CLDN14: variants seen among roughly 807,000 people sequenced by gnomAD.
CLDN14 encodes the protein claudin-14.
CLDN14 carries 2 observed loss-of-function variants against 2.1 expected under a neutral mutation model. The ratio of observed to expected loss-of-function variants is 0.96; its 90% CI spans 0.39 to 3.01. CLDN14 has a LOEUF of 3.01. Among genes scored for constraint, CLDN14 ranks in the 30% most tolerant of loss-of-function variants. The pLI, the probability that CLDN14 is intolerant of heterozygous loss-of-function variation, is 0.09. For synonymous variants in CLDN14, 136 were observed against 154.4 expected, an observed-to-expected ratio of 0.88 and a Z score of 0.88; for missense variants, 298 against 328.0, an observed-to-expected ratio of 0.91 and a Z score of 0.71.
At chr21:36,486,972 G>C (rs1417127531) in intron 2 of CLDN14, 3 of 417,392 alleles carry the variant, frequency 7.2e-6, no homozygotes, top group Non-Finnish European at 1.4e-5. Context: ...CAGGGTTGCT[G>C]TGGATTTTGT....
At chr21:36,472,675 C>T (rs748170078) in intron 1 of CLDN14, among the ~76,000 whole-genome samples, 1 of 152,182 alleles carries the variant, frequency 6.6e-6, no homozygotes, top group Non-Finnish European at 1.5e-5. Flanking sequence ...GATTAAGCCA[C>T]AGAAATTAAT....
rs117779995 is a variant in CLDN14, at chr21:36,511,271, G to A, written c.-219-771C>T. 1.8e-4 allele frequency among the ~76,000 whole-genome samples: 28 copies of A among 152,268 alleles called. No homozygotes were observed. In the East Asian group the frequency reaches 3.9e-3, roughly 21 times the overall value. ...GTTAAGCACACCCTTTTCACGGTGC[G>A]TTGAAGCAGATTTCCAGCCCTGTTT... On this transcript the variant is annotated intron_variant, in intron 1 of 2. Transcript: ENST00000342108.
Position 36,498,117 on chromosome 21 carries a change from C to T in CLDN14, c.-82+12246G>A, listed in dbSNP as rs1195869982. Among the ~76,000 whole-genome samples, 2 of 151,972 alleles carry T rather than the reference C, an allele frequency of 1.3e-5. No individual in the cohort carries two copies. Among genetic ancestry groups the T allele is most frequent in the Admixed American group, 1.3e-4 (2 of 15,256 alleles). ...CGGGGTTCAAGCGATTCTCCTGTCT[C>T]AGCCTCATGAGTAGCTGGGATTACA... On this transcript the variant is annotated intron_variant, in intron 2 of 2. Transcript: ENST00000342108. This position sits in a 1 kb window ranked among gnomAD's most constrained non-coding sequence, Gnocchi z 4.9.
intron 1 of CLDN14, among the ~76,000 whole-genome samples, chr21:36,571,535 T>C (rs987394814): frequency 6.6e-6 from 1 of 152,220 alleles, no homozygotes; most frequent in Admixed American, 6.5e-5. Flanking sequence ...AGAAACACTC[T>C]TACCTTCACA....
At chr21:36,558,274 T>G (rs1356233977) in intron 1 of CLDN14, among the ~76,000 whole-genome samples, 1 of 152,236 alleles carries the variant, frequency 6.6e-6, no homozygotes, top group Non-Finnish European at 1.5e-5. Context: ...TGGGGTCCTT[T>G]CTGGTTTCAT....
At chr21:36,462,763 C>G (rs946907993) in intron 1 of CLDN14, among the ~76,000 whole-genome samples, 4 of 151,906 alleles carry the variant, frequency 2.6e-5, no homozygotes, top group African/African-American at 4.8e-5. Flanking sequence ...AACCCCGTCT[C>G]TACTAAAATA....
chr21:36,488,098 C>T (rs555905695), intron 2 of CLDN14, among the ~76,000 whole-genome samples: 5 of 152,332 alleles, frequency 3.3e-5, no homozygotes, highest in African/African-American at 9.6e-5. Flanking sequence ...TATGCTGTAA[C>T]CACACAATGC....
intron 1 of CLDN14, among the ~76,000 whole-genome samples, chr21:36,559,424 T>C (rs1276808776): frequency 1.3e-5 from 2 of 152,204 alleles, no homozygotes; most frequent in Admixed American, 6.5e-5. Flanking sequence ...CTTGAACTCC[T>C]GACCTCAGGT....
chr21:36,481,859 T>C (rs893553150), upstream of CLDN14, among the ~76,000 whole-genome samples: 3 of 152,244 alleles, frequency 2.0e-5, no homozygotes, highest in African/African-American at 7.2e-5. Context: ...CAAATAGTTA[T>C]TGGACTCCAG....
chr21:36,546,431 G>T (rs780803808), intron 1 of CLDN14, among the ~76,000 whole-genome samples: 25 of 152,126 alleles, frequency 1.6e-4, no homozygotes, highest in Non-Finnish European at 3.5e-4. Flanking sequence ...TAGACACTGT[G>T]ATACTTCTAA....
intron 1 of CLDN14, among the ~76,000 whole-genome samples, chr21:36,473,082 C>T (rs541150073): frequency 1.3e-5 from 2 of 152,312 alleles, no homozygotes; most frequent in South Asian, 2.1e-4. Flanking sequence ...CTGCAGTGTC[C>T]GTGATCCTGG....
rs530390334 is a variant in CLDN14 at position 36,506,747 on chromosome 21, C to T, written c.-82+3616G>A. Among the ~76,000 whole-genome samples, 7 of 152,248 alleles carry T rather than the reference C, an allele frequency of 4.6e-5. No homozygotes were observed. In the South Asian group the frequency reaches 1.5e-3, roughly 32 times the overall value. ...GGACTTTCATTTTTAACTTCACACTCTTGTATGTGGTCTGACGTTTTAAAA... is the reference window on the plus strand; with the variant it reads ...GGACTTTCATTTTTAACTTCACACTTTTGTATGTGGTCTGACGTTTTAAAA... On this transcript the variant is annotated intron_variant, in intron 2 of 2. Transcript: ENST00000342108.
intron 1 of CLDN14, among the ~76,000 whole-genome samples, chr21:36,558,576 T>C (rs966758212): frequency 2.0e-5 from 3 of 152,192 alleles, no homozygotes; most frequent in East Asian, 1.9e-4. Flanking sequence ...AAAGAATGGC[T>C]ACTCTGTAGG....
At chr21:36,494,760 G>C (rs1441017038) in intron 2 of CLDN14, among the ~76,000 whole-genome samples, 1 of 152,224 alleles carries the variant, frequency 6.6e-6, no homozygotes, top group Non-Finnish European at 1.5e-5. Flanking sequence ...AACCCACCCT[G>C]TGGGTGCCTT....
rs1006157023 is a variant in CLDN14, at chr21:36,544,475, C to A, written c.-220+31936G>T. Among the ~76,000 whole-genome samples, 2 of 152,194 alleles carry A rather than the reference C, an allele frequency of 1.3e-5. No individual in the cohort carries two copies. Among genetic ancestry groups the A allele is most frequent in the African/African-American group, 4.8e-5 (2 of 41,440 alleles). On this transcript the variant is annotated intron_variant, in intron 1 of 2. Transcript: ENST00000342108. This position sits in a 1 kb window ranked among gnomAD's most constrained non-coding sequence, Gnocchi z 4.1. ...AGTCATCCCTGCCTGCAGCTATTGA[C>A]TGTTTGCATAGGAGGGGATGGAGTT... is the stretch of plus-strand genomic sequence containing the variant.
At chr21:36,526,952 C>T (rs2087335860) in intron 1 of CLDN14, among the ~76,000 whole-genome samples, 1 of 152,200 alleles carries the variant, frequency 6.6e-6, no homozygotes, top group Non-Finnish European at 1.5e-5. Flanking sequence ...CTCTGAGGAC[C>T]ATCAAAGCAC....
In CLDN14 at chr21:36,509,564, C is replaced by T. The variant is rs185245318; in HGVS notation, c.-82+799G>A. On this transcript the variant is annotated intron_variant, in intron 2 of 2. Transcript: ENST00000342108. ...ACAGAAATTCCTTCTCCCTGACAACCGCAGATGTCTTAGCAGCATTGCTTT... is the reference window on the plus strand; with the variant it reads ...ACAGAAATTCCTTCTCCCTGACAACTGCAGATGTCTTAGCAGCATTGCTTT... Among the ~76,000 whole-genome samples the T allele has an allele frequency of 7.9e-5, 12 of 152,164 alleles. 1 individual carries two copies. The highest frequency in any genetic ancestry group is 2.0e-4 in the Admixed American group (3 of 15,266).
intron 1 of CLDN14, among the ~76,000 whole-genome samples, chr21:36,570,889 T>A (rs1346374406): frequency 6.6e-6 from 1 of 152,234 alleles, no homozygotes; most frequent in Non-Finnish European, 1.5e-5. Flanking sequence ...TTGCCCAGGC[T>A]GGAGTGCAGT....
At chr21:36,533,295 C>G (rs1189695341) in intron 1 of CLDN14, among the ~76,000 whole-genome samples, 1 of 152,166 alleles carries the variant, frequency 6.6e-6, no homozygotes, top group Non-Finnish European at 1.5e-5. Context: ...GACACATGGC[C>G]AGGAGGGTGC....
Sources: gnomAD v4.1 joint callset for allele counts (sites outside exome capture counted in the v4.1 genomes callset) on GRCh38, gnomAD v4.1.1 for gene constraint, Gnocchi (gnomAD v3.1) non-coding constraint, MANE v1.5 for transcripts, NCBI Gene and HGNC (gene_info 2026-07-23, HGNC 2026-07-21) for gene names.